Variants in ZNF215 observed in about 807,000 individuals in gnomAD.
The protein encoded by ZNF215 is BWSCR2-associated zinc finger protein 2.
Under a neutral mutation model 27.2 loss-of-function variants are expected in ZNF215, and 24 were observed. The observed-to-expected ratio is 0.88, with a 90% CI of 0.64 to 1.24. The LOEUF (loss-of-function observed/expected upper bound fraction) is 1.24. Among genes scored for constraint, ZNF215 ranks in the 50% most tolerant of loss-of-function variants. The pLI, the probability that ZNF215 is intolerant of heterozygous loss-of-function variation, is 0.00. For synonymous variants in ZNF215, 210 were observed against 204.0 expected, an observed-to-expected ratio of 1.03 and a Z score of -0.25; for missense variants, 675 against 605.7, an observed-to-expected ratio of 1.11 and a Z score of -1.20.
In ZNF215 at chr11:6,932,191, C is replaced by T; in HGVS notation, c.-82C>T. On this transcript the variant is annotated 5_prime_UTR_variant, in exon 3 of 7. Transcript: ENST00000278319. ...GGCTTAAATCACACTGCATATAGTA[C>T]ACAGGTGCTTAGCTCAAGCCTGAGA... 1 of 1,529,190 alleles carries T rather than the reference C, an allele frequency of 6.5e-7. No homozygotes were observed. The highest frequency in any genetic ancestry group is 8.8e-7 in the Non-Finnish European group (1 of 1,132,734). The allele number at this position is 1,529,190 out of a possible 1,614,324, so 94.7% of individuals were successfully genotyped here. A position where few individuals can be genotyped will look rare whatever the true frequency, so the allele number is the denominator to read the frequency against.
chr11:6,983,453 CAA>C (rs1045776993), intron 5 of ZNF215, among the ~76,000 whole-genome samples: 1 of 151,850 alleles, frequency 6.6e-6, no homozygotes, highest in African/African-American at 2.4e-5. Flanking sequence ...GAGACACAAG[CAA>C]AAAAGAGAAT....
rs2133304123 is a variant in ZNF215 at position 6,956,820 on chromosome 11, C to T, written c.*289C>T. On this transcript the variant is annotated 3_prime_UTR_variant, in exon 7 of 7. Coordinates refer to ENST00000278319, the MANE Select transcript of ZNF215 (RefSeq NM_013250.4). ...TTTGATATCCATTACCCTCACCTCT[C>T]CCTAGTTCATAAATAGGTCTATAGC... The T allele has an allele frequency of 4.4e-6, 5 of 1,135,680 alleles. 1 individual carries two copies. The Middle Eastern group carries it at 1.2e-3, about 264-fold the overall frequency. 70.4% of individuals were successfully genotyped at this position (1,135,680 alleles called of 1,614,324 possible). A position where few individuals can be genotyped will look rare whatever the true frequency, so the allele number is the denominator to read the frequency against.
chr11:6,970,720 T>A (rs1281145649), intron 5 of ZNF215, among the ~76,000 whole-genome samples: 1 of 152,182 alleles, frequency 6.6e-6, no homozygotes, highest in East Asian at 1.9e-4. Flanking sequence ...CTGAAAAGTT[T>A]TAAAAATAAC....
chr11:6,977,969 T>C (rs776488369), intron 5 of ZNF215, among the ~76,000 whole-genome samples: 1 of 152,066 alleles, frequency 6.6e-6, no homozygotes, highest in Non-Finnish European at 1.5e-5. Flanking sequence ...ACTATAAAGA[T>C]CAGAGACTCA....
At chr11:6,946,340 G>A (rs1323415260) in intron 6 of ZNF215, among the ~76,000 whole-genome samples, 1 of 152,002 alleles carries the variant, frequency 6.6e-6, no homozygotes, top group Non-Finnish European at 1.5e-5. Flanking sequence ...TCTATTCTCT[G>A]CCTACTTCTC....
intron 6 of ZNF215, among the ~76,000 whole-genome samples, chr11:6,951,263 G>A (rs538622797): frequency 6.6e-5 from 10 of 151,178 alleles, no homozygotes; most frequent in African/African-American, 2.4e-4. Context: ...GAGTTAGGGA[G>A]GATTCCCTCT....
chr11:6,936,022 T>C (rs1849424774), intron 3 of ZNF215, among the ~76,000 whole-genome samples: 2 of 151,848 alleles, frequency 1.3e-5, no homozygotes, highest in South Asian at 4.1e-4. Context: ...ATACCAAAAC[T>C]TATGACATAC....
chr11:6,942,635 G>C (rs1849668292), intron 4 of ZNF215, among the ~76,000 whole-genome samples: 1 of 152,138 alleles, frequency 6.6e-6, no homozygotes, highest in Non-Finnish European at 1.5e-5. Flanking sequence ...AGAGTTATCA[G>C]GCAGCATTTC....
intron 5 of ZNF215, among the ~76,000 whole-genome samples, chr11:6,973,514 C>G (rs1309060937): frequency 6.6e-6 from 1 of 152,186 alleles, no homozygotes; most frequent in Non-Finnish European, 1.5e-5. Flanking sequence ...GTCCCACCAC[C>G]AGTGTAAAAG....
intron 3 of ZNF215, among the ~76,000 whole-genome samples, chr11:6,936,755 A>G (rs1186740742): frequency 6.6e-6 from 1 of 152,032 alleles, no homozygotes; most frequent in Non-Finnish European, 1.5e-5. Context: ...GATCCCAGAA[A>G]TGCAAGTATG....
At chr11:6,941,796 C>G in intron 4 of ZNF215, 143 bp downstream of exon 4, 1 of 764,038 alleles carries the variant, frequency 1.3e-6, no homozygotes, top group Middle Eastern at 2.6e-4. Flanking sequence ...GACACTGGAC[C>G]TATTTTAGTT....
chr11:6,964,337 C>T (rs1173421169), intron 5 of ZNF215, among the ~76,000 whole-genome samples: 4 of 151,970 alleles, frequency 2.6e-5, no homozygotes, highest in African/African-American at 4.8e-5. Context: ...ATTGTGCTTT[C>T]ACTGTCATAC....
At chr11:6,975,360 C>T (rs183896914) in intron 5 of ZNF215, among the ~76,000 whole-genome samples, 2 of 152,092 alleles carry the variant, frequency 1.3e-5, no homozygotes, top group Admixed American at 1.3e-4. Flanking sequence ...TATCCATCCC[C>T]TCAAGCATTT....
chr11:6,933,244 A>G (rs1488662487), intron 3 of ZNF215, among the ~76,000 whole-genome samples: 2 of 152,224 alleles, frequency 1.3e-5, no homozygotes, highest in African/African-American at 4.8e-5. Context: ...TTATAAACGT[A>G]TAAATAGGAT....
downstream of ZNF215, among the ~76,000 whole-genome samples, chr11:6,993,196 CG>C (rs977241301): frequency 3.3e-5 from 5 of 152,160 alleles, no homozygotes; most frequent in African/African-American, 1.2e-4. Flanking sequence ...TCCTCCATTT[CG>C]TTTCTGAGGA....
At chr11:6,938,671 A>G (rs992336954) in intron 3 of ZNF215, among the ~76,000 whole-genome samples, 14 of 152,118 alleles carry the variant, frequency 9.2e-5, no homozygotes, top group Non-Finnish European at 1.9e-4. Flanking sequence ...GTCACATACT[A>G]TATGATTCAA....
At chr11:6,994,355 T>G (rs1851154032) in intron 6 of ZNF215, among the ~76,000 whole-genome samples, 4 of 152,118 alleles carry the variant, frequency 2.6e-5, no homozygotes, top group Admixed American at 2.6e-4. Context: ...GACTATAGAA[T>G]GTGCCTTGTG....
At position 6,942,749 on chromosome 11, in the gene ZNF215, T is replaced by C. The variant is rs190933862; in HGVS notation, c.484-334T>C. On this transcript the variant is annotated intron_variant, in intron 4 of 6. Coordinates refer to ENST00000278319, the MANE Select transcript of ZNF215 (RefSeq NM_013250.4). Reference sequence around the variant, plus strand: ...AACTCTTGCTGTTTTGAACTCCTTTTAGGTAAATTATTTGTAAGGCATAGT... The same window carrying C: ...AACTCTTGCTGTTTTGAACTCCTTTCAGGTAAATTATTTGTAAGGCATAGT... 1.0e-3 allele frequency among the ~76,000 whole-genome samples: 154 copies of C among 152,318 alleles called. 1 individual carries two copies. The highest frequency in any genetic ancestry group is 3.4e-3 in the African/African-American group (142 of 41,572).
intron 5 of ZNF215, among the ~76,000 whole-genome samples, chr11:6,977,985 G>A (rs969718700): frequency 2.6e-5 from 4 of 151,966 alleles, no homozygotes; most frequent in Admixed American, 6.6e-5. Flanking sequence ...ACTCAAATCC[G>A]GGAAAAGGCA....
Sources: allele counts gnomAD v4.1 joint callset (sites outside exome capture counted in the v4.1 genomes callset), GRCh38; gene constraint gnomAD v4.1.1; transcripts MANE v1.5; gene names NCBI Gene and HGNC (gene_info 2026-07-23, HGNC 2026-07-21).